Variants in OR3A2 observed in about 807,000 individuals in gnomAD.
OR3A2 encodes olfactory receptor family 3 subfamily A member 2.
For synonymous variants in OR3A2, 126 were observed against 159.3 expected (o/e 0.79, Z 1.57); for missense variants, 318 against 392.8 (o/e 0.81, Z 1.61).
intron 2 of OR3A2, among the ~76,000 whole-genome samples, chr17:3,382,997 G>A (rs1193305864): frequency 6.6e-6 from 1 of 152,162 alleles, no homozygotes; most frequent in African/African-American, 2.4e-5. Flanking sequence ...GCCATCATAC[G>A]GCTAGAGCAT....
intron 3 of OR3A2, among the ~76,000 whole-genome samples, chr17:3,303,902 A>G (rs2048983338): frequency 7.1e-6 from 1 of 141,440 alleles, no homozygotes; most frequent in Non-Finnish European, 1.5e-5. Context: ...AAAATAAATA[A>G]ATAGATATAG....
chr17:3,300,689 TTTC>T (rs2048956183), intron 3 of OR3A2, among the ~76,000 whole-genome samples: 2 of 114,752 alleles, frequency 1.7e-5, no homozygotes, highest in Admixed American at 2.0e-4. Context: ...CAAAAATTTT[TTTC>T]TTTTTTTTTT....
At chr17:3,330,789 T>C (rs1229987335) in intron 3 of OR3A2, among the ~76,000 whole-genome samples, 1 of 152,160 alleles carries the variant, frequency 6.6e-6, no homozygotes, top group Non-Finnish European at 1.5e-5. Context: ...TGTTAGTTGA[T>C]GCAGTTTCTT....
intron 2 of OR3A2, among the ~76,000 whole-genome samples, chr17:3,352,813 A>C (rs1320446710): frequency 6.6e-6 from 1 of 151,948 alleles, no homozygotes; most frequent in Admixed American, 6.6e-5. Context: ...TAAGGATTGC[A>C]TTGAATCTGT....
In OR3A2 at chr17:3,375,776, T is replaced by G. The variant is rs570583527; in HGVS notation, c.-179+8028A>C. Among the ~76,000 whole-genome samples the G allele has an allele frequency of 3.0e-4, 45 of 152,342 alleles. 1 individual carries two copies. In the South Asian group the frequency reaches 7.9e-3, roughly 27 times the overall value. On this transcript the variant is annotated intron_variant, in intron 2 of 4. Coordinates refer to the OR3A2 transcript ENST00000573491. ...TCAAGGGCTGCTCTTCAGGTTCTTT[T>G]GTCCCATGGGGTGATCCCTTGATAT...
rs142449110 is a variant in OR3A2 at position 3,322,208 on chromosome 17, C to T, written c.-85+13825G>A. 5.1e-3 allele frequency among the ~76,000 whole-genome samples: 771 copies of T among 152,144 alleles called. 6 individuals carry two copies. The highest frequency in any genetic ancestry group is 0.01 in the Middle Eastern group (3 of 294). On this transcript the variant is annotated intron_variant, in intron 3 of 4. Coordinates refer to the OR3A2 transcript ENST00000573491. ...ATGGTAGTTTGTATTTCTGTGGGAT[C>T]GGTGGTGATATATCCCCTTTTTCAT...
chr17:3,375,600 C>T (rs892127033), intron 2 of OR3A2, among the ~76,000 whole-genome samples: 1 of 152,114 alleles, frequency 6.6e-6, no homozygotes, highest in Non-Finnish European at 1.5e-5. Context: ...CCGTGCCTGG[C>T]CCAGTAATTT....
chr17:3,330,489 T>TC (rs1402401233), intron 3 of OR3A2, among the ~76,000 whole-genome samples: 4 of 152,034 alleles, frequency 2.6e-5, no homozygotes, highest in African/African-American at 7.3e-5. Flanking sequence ...TCTCTTTTGA[T>TC]TTTGTTGGTT....
At position 3,351,715 on chromosome 17, in the gene OR3A2, G is replaced by A. The variant is rs916041514; in HGVS notation, c.-178-15589C>T. On this transcript the variant is annotated intron_variant, in intron 2 of 4. Coordinates refer to the OR3A2 transcript ENST00000573491. ...TTCATATGGAACCAAAAAAGAGCCC[G>A]CATCACCAAGTCAATCCTAAGCCAA... Among the ~76,000 whole-genome samples, 13 of 150,520 alleles carry A rather than the reference G, an allele frequency of 8.6e-5. 1 individual carries two copies. The highest frequency in any genetic ancestry group is 8.5e-4 in the South Asian group (4 of 4,688).
chr17:3,297,590 T>C (rs1414835640), intron 3 of OR3A2, among the ~76,000 whole-genome samples: 1 of 151,632 alleles, frequency 6.6e-6, no homozygotes, highest in African/African-American at 2.4e-5. Flanking sequence ...GGCTCTTAGC[T>C]CTGTTAACCT....
intron 2 of OR3A2, among the ~76,000 whole-genome samples, chr17:3,352,494 CA>C (rs1379083465): frequency 6.6e-6 from 1 of 151,862 alleles, no homozygotes; most frequent in Admixed American, 6.6e-5. Context: ...TTCCCAACAC[CA>C]TTTGTTAAAG....
Position 3,321,641 on chromosome 17 carries a change from G to A in OR3A2, c.-85+14392C>T, listed in dbSNP as rs903485545. Among the ~76,000 whole-genome samples, 17 of 152,240 alleles carry A rather than the reference G, an allele frequency of 1.1e-4. No homozygotes were observed. The South Asian group carries it at 2.5e-3, about 22-fold the overall frequency. On this transcript the variant is annotated intron_variant, in intron 3 of 4. Transcript: ENST00000573491. ...TTTCTGCATCTATTGAGATAATCACGTGGTTTTTGTCTTTGGTTCTGTTTA... is the reference window on the plus strand; with the variant it reads ...TTTCTGCATCTATTGAGATAATCACATGGTTTTTGTCTTTGGTTCTGTTTA...
intron 2 of OR3A2, among the ~76,000 whole-genome samples, chr17:3,356,205 GTTGT>G (rs1385778137): frequency 5.3e-5 from 8 of 151,256 alleles, no homozygotes; most frequent in East Asian, 1.9e-4. Context: ...TGTTTAAAAG[GTTGT>G]TTTAGTTATT....
chr17:3,385,468 T>G (rs1389133202), intron 1 of OR3A2, among the ~76,000 whole-genome samples: 1 of 152,098 alleles, frequency 6.6e-6, no homozygotes, highest in Non-Finnish European at 1.5e-5. Flanking sequence ...GATAGATAGA[T>G]AGAGGAGTTT....
At chr17:3,292,337 TG>T (rs2150622171) in intron 3 of OR3A2, 1 of 1,614,002 alleles carries the variant, frequency 6.2e-7, no homozygotes, top group Non-Finnish European at 8.5e-7. Context: ...TCAACATTGA[TG>T]GAACAGTGAC....
At chr17:3,377,440 T>G (rs1005058506) in intron 2 of OR3A2, 8 of 152,236 alleles carry the variant, frequency 5.3e-5, no homozygotes, top group Admixed American at 1.3e-4. Context: ...CTTTATTCTC[T>G]CTCTTCCTTA....
chr17:3,372,847 AG>A, intron 2 of OR3A2, among the ~76,000 whole-genome samples: 1 of 65,074 alleles, frequency 1.5e-5, no homozygotes, highest in East Asian at 3.2e-4. Context: ...GAGAAGGAGA[AG>A]GAGAGGGAGA....
At chr17:3,366,486 GC>G (rs1488610887) in intron 2 of OR3A2, among the ~76,000 whole-genome samples, 1 of 152,116 alleles carries the variant, frequency 6.6e-6, no homozygotes, top group Non-Finnish European at 1.5e-5. Context: ...TGCCACAAAA[GC>G]TTGGAAATCA....
At chr17:3,345,318 C>T (rs2049353151) in intron 2 of OR3A2, among the ~76,000 whole-genome samples, 1 of 152,144 alleles carries the variant, frequency 6.6e-6, no homozygotes, top group Non-Finnish European at 1.5e-5. Context: ...CTCACCCTTT[C>T]AGAGAACTTC....
Sources: allele counts gnomAD v4.1 joint callset (sites outside exome capture counted in the v4.1 genomes callset), GRCh38; gene constraint gnomAD v4.1.1; transcripts MANE v1.5; gene names NCBI Gene and HGNC (gene_info 2026-07-23, HGNC 2026-07-21).